Variants in NYAP2 observed in about 807,000 individuals in gnomAD.
NYAP2 encodes the protein neuronal tyrosine-phosphorylated phosphoinositide-3-kinase adaptor 2.
Under a neutral mutation model 50.4 loss-of-function variants are expected in NYAP2, and 23 were observed. The ratio of observed to expected loss-of-function variants is 0.46; its 90% CI spans 0.33 to 0.65. The LOEUF (loss-of-function observed/expected upper bound fraction) is 0.65. Among genes scored for constraint, NYAP2 ranks in the 30% least tolerant of loss-of-function variants. The pLI is 0.02. For synonymous variants in NYAP2, 394 were observed against 365.2 expected, an observed-to-expected ratio of 1.08 and a Z score of -0.90; for missense variants, 885 against 861.0, an observed-to-expected ratio of 1.03 and a Z score of -0.35.
chr2:225,583,849 G>C (rs1692344060), intron 5 of NYAP2, among the ~76,000 whole-genome samples: 1 of 152,148 alleles, frequency 6.6e-6, no homozygotes, highest in African/African-American at 2.4e-5. Context: ...GACCATCCTG[G>C]TTAACACTGT....
At chr2:225,423,632 T>C (rs1695246713) in intron 3 of NYAP2, among the ~76,000 whole-genome samples, 1 of 152,174 alleles carries the variant, frequency 6.6e-6, no homozygotes, top group African/African-American at 2.4e-5. Flanking sequence ...AGTGTATGCA[T>C]GTTTATTTTT....
At chr2:225,661,772 G>A in the NYAP2 span, among the ~76,000 whole-genome samples, 4 of 149,290 alleles carry the variant, frequency 2.7e-5, no homozygotes, top group East Asian at 2.0e-4. Flanking sequence ...CACCCAGGCC[G>A]GAGTGCAGTG....
intron 5 of NYAP2, among the ~76,000 whole-genome samples, chr2:225,606,888 T>C (rs950495036): frequency 6.6e-6 from 1 of 152,128 alleles, no homozygotes; most frequent in Non-Finnish European, 1.5e-5. Context: ...TCTTCTGTAT[T>C]TCGGCTGTCT....
At chr2:225,694,466 T>C in the NYAP2 span, among the ~76,000 whole-genome samples, 2 of 151,810 alleles carry the variant, frequency 1.3e-5, no homozygotes, top group South Asian at 2.1e-4. Flanking sequence ...CATCTTACTA[T>C]CAACAAAAAA....
chr2:225,519,957 T>C (rs1163268528), intron 4 of NYAP2, among the ~76,000 whole-genome samples: 4 of 152,202 alleles, frequency 2.6e-5, no homozygotes, highest in East Asian at 1.9e-4. Context: ...TTTTAATGAT[T>C]GCCATTCTAA....
At chr2:225,470,111 A>G (rs931651318) in intron 3 of NYAP2, among the ~76,000 whole-genome samples, 6 of 152,226 alleles carry the variant, frequency 3.9e-5, no homozygotes, top group Non-Finnish European at 8.8e-5. Context: ...ATTAAGCAAT[A>G]CATAAATGTA....
At chr2:225,489,427 AC>A (rs1273983121) in intron 3 of NYAP2, among the ~76,000 whole-genome samples, 2 of 151,898 alleles carry the variant, frequency 1.3e-5, no homozygotes, top group African/African-American at 4.8e-5. Flanking sequence ...TGAACTCCTG[AC>A]CTCAGATGAT....
chr2:225,528,675 TAG>T (rs1007107816), intron 4 of NYAP2, among the ~76,000 whole-genome samples: 2 of 152,204 alleles, frequency 1.3e-5, no homozygotes, highest in African/African-American at 2.4e-5. Flanking sequence ...CCTAAATCCC[TAG>T]AGAGTTGTGG....
intron 5 of NYAP2, among the ~76,000 whole-genome samples, chr2:225,609,045 C>G (rs2106246192): frequency 6.6e-6 from 1 of 152,188 alleles, no homozygotes; most frequent in Non-Finnish European, 1.5e-5. Context: ...TAGATCGCTG[C>G]CTTTACTTCT....
intron 3 of NYAP2, among the ~76,000 whole-genome samples, chr2:225,450,858 C>T (rs560652307): frequency 2.3e-4 from 35 of 152,296 alleles, no homozygotes; most frequent in African/African-American, 8.4e-4. Flanking sequence ...GTCCTGATGG[C>T]CCTGCCTTGT....
chr2:225,575,749 G>T (rs577807922), intron 4 of NYAP2, among the ~76,000 whole-genome samples: 1 of 152,144 alleles, frequency 6.6e-6, no homozygotes. Flanking sequence ...ACATATGTAG[G>T]TATAGGGAGA....
chr2:225,685,732 A>G, the NYAP2 span, among the ~76,000 whole-genome samples: 30,277 of 152,126 alleles, frequency 0.2, 3,349 homozygotes, highest in African/African-American at 0.3. Flanking sequence ...CTTTTTAAAG[A>G]TTATACCATG....
chr2:225,626,008 T>C (rs1214054940), intron 5 of NYAP2, among the ~76,000 whole-genome samples: 1 of 152,200 alleles, frequency 6.6e-6, no homozygotes, highest in East Asian at 1.9e-4. Flanking sequence ...ATAAAATCTG[T>C]ACAATCTTCT....
intron 3 of NYAP2, among the ~76,000 whole-genome samples, chr2:225,452,447 A>G (rs1689668219): frequency 6.6e-6 from 1 of 152,188 alleles, no homozygotes; most frequent in African/African-American, 2.4e-5. Flanking sequence ...TAAGTCCCCA[A>G]GCAGCTCATT....
At chr2:225,469,308 A>G (rs1440105304) in intron 3 of NYAP2, among the ~76,000 whole-genome samples, 2 of 152,236 alleles carry the variant, frequency 1.3e-5, no homozygotes, top group Non-Finnish European at 2.9e-5. Context: ...TCAAAACCAC[A>G]ATGAGATACC....
chr2:225,642,649 AG>A (rs1211720054), intron 6 of NYAP2, among the ~76,000 whole-genome samples: 2 of 152,164 alleles, frequency 1.3e-5, no homozygotes, highest in Non-Finnish European at 2.9e-5. Flanking sequence ...ATGAGACCAA[AG>A]GGATAGAATA....
chr2:225,456,797 C>T (rs1190470526), intron 3 of NYAP2, among the ~76,000 whole-genome samples: 1 of 152,026 alleles, frequency 6.6e-6, no homozygotes, highest in Non-Finnish European at 1.5e-5. Flanking sequence ...GCAGGCATAC[C>T]CCAGCTAGCT....
At chr2:225,457,045 G>A (rs114925921) in intron 3 of NYAP2, among the ~76,000 whole-genome samples, 228 of 152,238 alleles carry the variant, frequency 1.5e-3, no homozygotes, top group African/African-American at 5.3e-3. Context: ...TTAAAATGGC[G>A]GTATTTGTCC....
At chr2:225,688,609 A>G in the NYAP2 span, among the ~76,000 whole-genome samples, 1 of 152,126 alleles carries the variant, frequency 6.6e-6, no homozygotes, top group Non-Finnish European at 1.5e-5. Context: ...TATTATTTTC[A>G]TTTTACAGGT....
Sources: gnomAD v4.1 joint callset for allele counts (sites outside exome capture counted in the v4.1 genomes callset) on GRCh38, gnomAD v4.1.1 for gene constraint, MANE v1.5 for transcripts, NCBI Gene and HGNC (gene_info 2026-07-23, HGNC 2026-07-21) for gene names.